NTM: variants seen among roughly 807,000 people sequenced by gnomAD.
NTM encodes IgLON family member 2.
A neutral mutation model predicts 42.1 loss-of-function variants in NTM; 13 were observed. The observed-to-expected ratio is 0.31, with a 90% CI of 0.20 to 0.49. The LOEUF is 0.49. Among genes scored for constraint, NTM ranks in the 20% least tolerant of loss-of-function variants. NTM has a pLI of 0.99. For synonymous variants in NTM, 187 were observed against 179.2 expected, an observed-to-expected ratio of 1.04 and a Z score of -0.35; for missense variants, 373 against 452.8, an observed-to-expected ratio of 0.82 and a Z score of 1.60.
chr11:131,741,162 TGAGAGAGAGAGAGAGA>T (rs71067330), intron 1 of NTM, among the ~76,000 whole-genome samples: 1,776 of 129,810 alleles, frequency 0.014, 40 homozygotes, highest in African/African-American at 0.044. Flanking sequence ...AAGACCCCGT[TGAGAGAGAGAGAGAGA>T]GAGAGAGAGA....
At chr11:131,619,736 G>A (rs1181177374) in intron 1 of NTM, among the ~76,000 whole-genome samples, 1 of 151,952 alleles carries the variant, frequency 6.6e-6, no homozygotes, top group Non-Finnish European at 1.5e-5. Context: ...CAGACGTGGT[G>A]TAGAAAAAAT....
At chr11:131,489,477 C>A (rs1406026647) in intron 1 of NTM, among the ~76,000 whole-genome samples, 1 of 152,218 alleles carries the variant, frequency 6.6e-6, no homozygotes, top group African/African-American at 2.4e-5. Flanking sequence ...CGCTACTTTG[C>A]GTGTGTAAAG....
At chr11:132,302,487 GAT>G (rs2094902338) in intron 4 of NTM, among the ~76,000 whole-genome samples, 1 of 152,168 alleles carries the variant, frequency 6.6e-6, no homozygotes, top group African/African-American at 2.4e-5. Context: ...GTTCTTTTGG[GAT>G]TGGGGCCACA....
intron 2 of NTM, among the ~76,000 whole-genome samples, chr11:132,102,424 C>T (rs935949112): frequency 6.6e-6 from 1 of 152,136 alleles, no homozygotes; most frequent in Non-Finnish European, 1.5e-5. Context: ...CTGGGGCATA[C>T]ATTATGTCAA....
At chr11:131,584,738 C>T (rs1165069200) in intron 1 of NTM, among the ~76,000 whole-genome samples, 4 of 152,338 alleles carry the variant, frequency 2.6e-5, no homozygotes, top group Middle Eastern at 3.4e-3. Flanking sequence ...TCACCCTGGA[C>T]GGAGCCATTT....
intron 8 of NTM, among the ~76,000 whole-genome samples, chr11:132,330,439 G>T (rs1250861308): frequency 6.6e-6 from 1 of 152,172 alleles, no homozygotes; most frequent in Non-Finnish European, 1.5e-5. Context: ...GCACCTGTCA[G>T]TGCCCAGAAT....
At chr11:131,675,852 A>G (rs2071288066) in intron 1 of NTM, among the ~76,000 whole-genome samples, 1 of 152,166 alleles carries the variant, frequency 6.6e-6, no homozygotes, top group African/African-American at 2.4e-5. Flanking sequence ...CCTAAAAGAA[A>G]ATGGCCCTGT....
chr11:131,649,896 G>A (rs1005650619), intron 1 of NTM, among the ~76,000 whole-genome samples: 7 of 152,096 alleles, frequency 4.6e-5, no homozygotes, highest in East Asian at 1.9e-4. Flanking sequence ...CCCACCTTAC[G>A]ATCTATTCAA....
chr11:131,445,075 A>G (rs148745741), intron 1 of NTM, among the ~76,000 whole-genome samples: 2 of 152,370 alleles, frequency 1.3e-5, no homozygotes, highest in East Asian at 3.9e-4. Flanking sequence ...CACATCAATT[A>G]TTAATCTATC....
intron 4 of NTM, among the ~76,000 whole-genome samples, chr11:132,238,655 A>G (rs971423767): frequency 2.0e-5 from 3 of 152,086 alleles, no homozygotes; most frequent in Non-Finnish European, 2.9e-5. Flanking sequence ...GGACTCGCGG[A>G]GCTCATTGCC....
At chr11:131,911,877 G>A (rs1024080003) in intron 2 of NTM, among the ~76,000 whole-genome samples, 1 of 152,132 alleles carries the variant, frequency 6.6e-6, no homozygotes, top group East Asian at 1.9e-4. Flanking sequence ...TGGCCTCTGC[G>A]GCTCAGGCAC....
chr11:131,565,223 C>G (rs76090271), intron 1 of NTM, among the ~76,000 whole-genome samples: 4,974 of 152,310 alleles, frequency 0.033, 275 homozygotes, highest in African/African-American at 0.11. Context: ...CCTCCTGCCT[C>G]TCTGTCCACC....
intron 1 of NTM, among the ~76,000 whole-genome samples, chr11:131,613,033 A>G (rs1350716577): frequency 6.6e-6 from 1 of 152,196 alleles, no homozygotes; most frequent in Non-Finnish European, 1.5e-5. Context: ...ATTTGAGGAC[A>G]CTCATGTGTG....
chr11:132,066,690 A>G (rs920191365), intron 2 of NTM, among the ~76,000 whole-genome samples: 2 of 152,194 alleles, frequency 1.3e-5, no homozygotes, highest in Admixed American at 6.5e-5. Context: ...TTCAAGGCCA[A>G]CATTTTCAAA....
chr11:131,631,497 G>A (rs982846112), intron 1 of NTM, among the ~76,000 whole-genome samples: 1 of 152,104 alleles, frequency 6.6e-6, no homozygotes, highest in Non-Finnish European at 1.5e-5. Context: ...AAGCCACTAA[G>A]AGACTGAAAT....
At chr11:131,610,836 G>A (rs1337974646) in intron 1 of NTM, among the ~76,000 whole-genome samples, 1 of 152,192 alleles carries the variant, frequency 6.6e-6, no homozygotes, top group Non-Finnish European at 1.5e-5. Context: ...GATCCTAAAT[G>A]CTGGACCAAG....
chr11:131,992,441 AC>A (rs940420941), intron 2 of NTM, among the ~76,000 whole-genome samples: 4 of 150,712 alleles, frequency 2.7e-5, no homozygotes, highest in African/African-American at 9.8e-5. Flanking sequence ...CACACTCCTC[AC>A]CCCCACATTG....
At chr11:131,905,013 A>G (rs7933886) in intron 1 of NTM, among the ~76,000 whole-genome samples, 4,836 of 152,260 alleles carry the variant, frequency 0.032, 244 homozygotes, top group African/African-American at 0.11. Flanking sequence ...GGTTCTCTGC[A>G]TGAATGTTAC....
At chr11:132,064,583 A>C (rs2136067745) in intron 2 of NTM, among the ~76,000 whole-genome samples, 1 of 152,292 alleles carries the variant, frequency 6.6e-6, no homozygotes, top group Non-Finnish European at 1.5e-5. Context: ...GACTTCTTTA[A>C]GGGAAGGGAT....
Sources: allele counts gnomAD v4.1 joint callset (sites outside exome capture counted in the v4.1 genomes callset), GRCh38; gene constraint gnomAD v4.1.1; transcripts MANE v1.5; gene names NCBI Gene and HGNC (gene_info 2026-07-23, HGNC 2026-07-21).